Variants in STIM1 observed in about 807,000 individuals in gnomAD.
STIM1 encodes the protein stromal interaction molecule 1.
In STIM1, 25 loss-of-function variants were observed where a neutral mutation model predicts 74.7. The ratio of observed to expected loss-of-function variants is 0.33; its 90% CI spans 0.24 to 0.47. The LOEUF is 0.47. Among genes scored for constraint, STIM1 ranks in the 20% least tolerant of loss-of-function variants. The pLI is 1.00. For synonymous variants in STIM1, 328 were observed against 348.8 expected (o/e 0.94, Z 0.66); for missense variants, 728 against 920.8 (o/e 0.79, Z 2.71).
chr11:3,922,536 C>T (rs1364333244), intron 1 of STIM1: 1 of 152,172 alleles, frequency 6.6e-6, no homozygotes, highest in South Asian at 2.1e-4. Flanking sequence ...TCCATGTGTC[C>T]TTATCCCTTT....
rs1049998383 is a variant in STIM1, at chr11:3,870,852, A to G, written c.139+14443A>G. On this transcript the variant is annotated intron_variant, in intron 1 of 12. Coordinates refer to ENST00000526596, the MANE Select transcript of STIM1 (RefSeq NM_001382567.1). ...GTGGCTGACAGAACACCGAGTGACCATATCCTATCAGCTACTCTTTTTTTT... is the reference window on the plus strand; with the variant it reads ...GTGGCTGACAGAACACCGAGTGACCGTATCCTATCAGCTACTCTTTTTTTT... 2.1e-5 allele frequency among the ~76,000 whole-genome samples: 3 copies of G among 145,670 alleles called. No homozygotes were observed. The Admixed American group carries it at 2.1e-4, about 10-fold the overall frequency.
Position 4,091,376 on chromosome 11 carries a change from G to A in STIM1, c.1729G>A (p.Glu577Lys), listed in dbSNP as rs371443357. 98 of 1,614,070 alleles carry A rather than the reference G, an allele frequency of 6.1e-5. 1 individual carries two copies. Among genetic ancestry groups the A allele is most frequent in the Middle Eastern group, 1.6e-4 (1 of 6,084 alleles). ...KPPQMSRAAD[E>K]ALNAMTSNGS... Reference sequence around the variant, plus strand: ...TCCTCAGATGAGCCGTGCTGCAGACGAGGCTCTCAATGCCATGACTTCCAA... The same window carrying A: ...TCCTCAGATGAGCCGTGCTGCAGACAAGGCTCTCAATGCCATGACTTCCAA... Residue 577 changes from glutamate to lysine, a missense_variant, in exon 13 of 13, where the codon GAG (glutamate) becomes AAG (lysine). Glu to Lys is a moderately conservative substitution (Grantham distance 56). Transcript: ENST00000526596.
chr11:3,987,624 G>A (rs1396092815), intron 2 of STIM1, among the ~76,000 whole-genome samples: 1 of 152,158 alleles, frequency 6.6e-6, no homozygotes, highest in East Asian at 1.9e-4. Context: ...TGATTAATCT[G>A]TGTGTCCTTG....
At chr11:3,908,774 A>G (rs1251544895) in intron 1 of STIM1, among the ~76,000 whole-genome samples, 1 of 152,210 alleles carries the variant, frequency 6.6e-6, no homozygotes, top group Non-Finnish European at 1.5e-5. Context: ...TATAAACCAC[A>G]AGCCTAGAAA....
At chr11:3,901,993 C>T (rs552437633) in intron 1 of STIM1, among the ~76,000 whole-genome samples, 7 of 152,302 alleles carry the variant, frequency 4.6e-5, no homozygotes, top group African/African-American at 9.6e-5. Flanking sequence ...GTCTCGAACT[C>T]GTGAGCTCAA....
chr11:4,091,743 G>C lies in STIM1; in HGVS notation c.2096G>C (p.Ser699Thr). 1 of 1,612,866 alleles carries C rather than the reference G, an allele frequency of 6.2e-7. No individual in the cohort carries two copies. Among genetic ancestry groups the C allele is most frequent in the African/African-American group, 1.3e-5 (1 of 75,056 alleles). Reference protein sequence around the residue: ...NGSIGEETDSSPGRKKFPLKI... With the variant: ...NGSIGEETDSTPGRKKFPLKI... ...TCTATTGGCGAGGAAACAGACTCCAGCCCAGGCCGGAAGAAGTTTCCCCTC... is the reference window on the plus strand; with the variant it reads ...TCTATTGGCGAGGAAACAGACTCCACCCCAGGCCGGAAGAAGTTTCCCCTC... The change falls in exon 13 of 13, where the codon AGC becomes ACC. Residue 699 changes from serine (S) to threonine (T), a missense_variant. This residue lies in a region of STIM1 where 352 missense variants were observed against 370.1 expected (regional missense o/e 0.95). Transcript: ENST00000526596.
intron 1 of STIM1, among the ~76,000 whole-genome samples, chr11:3,873,102 C>T (rs2091175306): frequency 6.6e-6 from 1 of 152,034 alleles, no homozygotes; most frequent in Non-Finnish European, 1.5e-5. Flanking sequence ...GGTGCCACCA[C>T]ACTCCACTGA....
chr11:3,918,532 T>TA (rs201179616), intron 1 of STIM1, among the ~76,000 whole-genome samples: 35,253 of 92,580 alleles, frequency 0.38, 5,306 homozygotes, highest in South Asian at 0.55. Flanking sequence ...AGACACTGTC[T>TA]CAAAAAAAAA....
intron 1 of STIM1, among the ~76,000 whole-genome samples, chr11:3,957,660 A>C (rs1371739997): frequency 6.6e-6 from 1 of 152,036 alleles, no homozygotes; most frequent in East Asian, 1.9e-4. Context: ...GGACTCGAGC[A>C]GTCCTCCATT....
chr11:3,911,360 C>G (rs977292622), intron 1 of STIM1, among the ~76,000 whole-genome samples: 1 of 152,156 alleles, frequency 6.6e-6, no homozygotes, highest in African/African-American at 2.4e-5. Context: ...TTTTTCTATG[C>G]TATTATTCAT....
At chr11:3,922,703 G>A (rs954661756) in intron 1 of STIM1, 11 of 199,306 alleles carry the variant, frequency 5.5e-5, no homozygotes, top group Admixed American at 1.4e-4. Flanking sequence ...CTGTGACAGC[G>A]TTCAGTCCCT....
intron 1 of STIM1, among the ~76,000 whole-genome samples, chr11:3,863,220 ATG>A (rs56737126): frequency 0.21 from 26,951 of 125,360 alleles, 2,689 homozygotes; most frequent in South Asian, 0.28. Flanking sequence ...GAGACAATGC[ATG>A]TGTGTGTGTG....
chr11:3,988,224 G>T (rs927253612), intron 2 of STIM1, among the ~76,000 whole-genome samples: 3 of 152,174 alleles, frequency 2.0e-5, no homozygotes, highest in Non-Finnish European at 2.9e-5. Flanking sequence ...CATGGGGATT[G>T]TCAGGGAGAG....
intron 2 of STIM1, among the ~76,000 whole-genome samples, chr11:4,013,024 T>G (rs1213377313): frequency 6.6e-6 from 1 of 152,188 alleles, no homozygotes; most frequent in Non-Finnish European, 1.5e-5. Flanking sequence ...TGATGGATTA[T>G]GTTTATTGAT....
intron 1 of STIM1, among the ~76,000 whole-genome samples, chr11:3,951,884 G>GGTAGC (rs1280146245): frequency 6.6e-6 from 1 of 152,022 alleles, no homozygotes; most frequent in Non-Finnish European, 1.5e-5. Flanking sequence ...GATAATTTGG[G>GGTAGC]GTAGCTTTTG....
chr11:3,964,956 G>T (rs1039800906), intron 1 of STIM1, among the ~76,000 whole-genome samples: 8 of 152,116 alleles, frequency 5.3e-5, no homozygotes, highest in Non-Finnish European at 1.2e-4. Flanking sequence ...TAACTCTGGG[G>T]CTCAAGGGAA....
Position 4,011,165 on chromosome 11 carries a change from G to C in STIM1, c.271-12708G>C, listed in dbSNP as rs550931690. 2.6e-5 allele frequency among the ~76,000 whole-genome samples: 4 copies of C among 152,258 alleles called. No individual in the cohort carries two copies. In the East Asian group the frequency reaches 7.7e-4, roughly 29 times the overall value. ...CCAAGTCTTTGCTATTGTGAATAGT[G>C]CCGCAATAAACATATGTGTGCATGT... On this transcript the variant is annotated intron_variant, in intron 2 of 12. Coordinates refer to ENST00000526596, the MANE Select transcript of STIM1 (RefSeq NM_001382567.1).
chr11:4,086,426 C>A, intron 11 of STIM1, 51 bp from the exon 12 acceptor site: 1 of 1,604,382 alleles, frequency 6.2e-7, no homozygotes, highest in Non-Finnish European at 8.5e-7. Flanking sequence ...CCTTACCTGC[C>A]AGCCCAAAGT....
Position 3,928,077 on chromosome 11 carries a change from C to A in STIM1, c.140-39475C>A, listed in dbSNP as rs552171527. Among the ~76,000 whole-genome samples, 20 of 152,228 alleles carry A rather than the reference C, an allele frequency of 1.3e-4. No homozygotes were observed. The East Asian group carries it at 2.9e-3, about 22-fold the overall frequency. On this transcript the variant is annotated intron_variant, in intron 1 of 12. Transcript: ENST00000526596. Reference sequence around the variant, plus strand: ...TGAAATAAAGTAAGTGCTTAGTAAACCTTTTGTGGAATGAAAGAATGATGG... The same window carrying A: ...TGAAATAAAGTAAGTGCTTAGTAAAACTTTTGTGGAATGAAAGAATGATGG...
Sources: gnomAD v4.1 joint callset for allele counts (sites outside exome capture counted in the v4.1 genomes callset) on GRCh38, gnomAD v4.1.1 for gene constraint, gnomAD v4.1.1 regional missense constraint, MANE v1.5 for transcripts, NCBI Gene and HGNC (gene_info 2026-07-23, HGNC 2026-07-21) for gene names.